Variants in RNF144A observed in about 807,000 individuals in gnomAD.
The protein encoded by RNF144A is ring finger protein 144A, also known as E3 ubiquitin-protein ligase RNF144A.
Under a neutral mutation model 38.7 loss-of-function variants are expected in RNF144A, and 11 were observed. The observed-to-expected ratio is 0.28, with a 90% confidence interval of 0.18 to 0.47. RNF144A has a LOEUF of 0.47. Ranked by LOEUF, RNF144A falls within the 20% of genes least tolerant of loss-of-function variation. The pLI is 0.99. For synonymous variants in RNF144A, 149 were observed against 143.9 expected (o/e 1.04, Z -0.25); for missense variants, 316 against 377.2 (o/e 0.84, Z 1.34).
intron 1 of RNF144A, among the ~76,000 whole-genome samples, chr2:6,934,249 T>C (rs1311926802): frequency 6.6e-6 from 1 of 152,212 alleles, no homozygotes; most frequent in African/African-American, 2.4e-5. Context: ...TTCATGTCTT[T>C]AATTAGGAAT....
chr2:6,996,306 A>G (rs543425326), intron 2 of RNF144A, among the ~76,000 whole-genome samples: 1 of 152,322 alleles, frequency 6.6e-6, no homozygotes, highest in East Asian at 1.9e-4. Flanking sequence ...TTCTCTTCCA[A>G]GATGGCTAAG....
chr2:7,002,675 C>T lies in RNF144A; in HGVS notation c.135+5614C>T, dbSNP rs115846521. On this transcript the variant is annotated intron_variant, in intron 3 of 8. Transcript: ENST00000320892. Reference sequence around the variant, plus strand: ...ATAGACCATATATATAATGGTGATCCCATAAGATTACAGGAGCTGAAAAAT... The same window carrying T: ...ATAGACCATATATATAATGGTGATCTCATAAGATTACAGGAGCTGAAAAAT... 5.4e-3 allele frequency among the ~76,000 whole-genome samples: 821 copies of T among 152,180 alleles called. 5 individuals carry two copies. The highest frequency in any genetic ancestry group is 0.019 in the African/African-American group (782 of 41,496).
chr2:7,058,693 C>G (rs955814168), intron 6 of RNF144A, among the ~76,000 whole-genome samples: 2 of 152,102 alleles, frequency 1.3e-5, no homozygotes, highest in Non-Finnish European at 2.9e-5. Flanking sequence ...TCTATTATGT[C>G]AGAGATTTTT....
intron 6 of RNF144A, among the ~76,000 whole-genome samples, chr2:7,067,321 A>G (rs752199652): frequency 5.3e-4 from 80 of 152,184 alleles, no homozygotes; most frequent in Admixed American, 1.2e-3. Context: ...CTGGAGCCCC[A>G]AAAGCTGAAG....
At position 6,958,326 on chromosome 2, in the gene RNF144A, C is replaced by T. The variant is rs1667133241; in HGVS notation, c.-12+17179C>T. Among the ~76,000 whole-genome samples the T allele has an allele frequency of 6.6e-6, 1 of 152,242 alleles. No individual in the cohort carries two copies. The highest frequency in any genetic ancestry group is 2.1e-4 in the South Asian group (1 of 4,826). On this transcript the variant is annotated intron_variant, in intron 2 of 8. Coordinates refer to ENST00000320892, the MANE Select transcript of RNF144A (RefSeq NM_014746.6). This position sits in a 1 kb window ranked among gnomAD's most constrained non-coding sequence, Gnocchi z 4.5. ...CCTGCCGTGCCAGAGACAGAACAGA[C>T]ACACGGACAAGGGCAAGCCTTCCTT... is the stretch of plus-strand genomic sequence containing the variant.
At chr2:7,024,703 G>A (rs1269705424) in intron 7 of RNF144A, among the ~76,000 whole-genome samples, 187 bp downstream of exon 7, 2 of 152,210 alleles carry the variant, frequency 1.3e-5, no homozygotes, top group African/African-American at 4.8e-5. Flanking sequence ...GGGGACAGAA[G>A]CCTTTGTGAC....
At position 7,010,626 on chromosome 2, in the gene RNF144A, C is replaced by T. The variant is rs148033459; in HGVS notation, c.136-3828C>T. Among the ~76,000 whole-genome samples the T allele has an allele frequency of 5.4e-3, 817 of 152,266 alleles. 5 individuals carry two copies. Among genetic ancestry groups the T allele is most frequent in the African/African-American group, 0.019 (776 of 41,532 alleles). On this transcript the variant is annotated intron_variant, in intron 3 of 8. Transcript: ENST00000320892. ...TATTAGCAAATCAGCAGTGCTGTCT[C>T]GTCATCAGGTTTCAAAGAGTTGGAA...
downstream of RNF144A, among the ~76,000 whole-genome samples, chr2:7,046,748 A>G (rs947387507): frequency 6.6e-6 from 1 of 152,242 alleles, no homozygotes; most frequent in African/African-American, 2.4e-5. Flanking sequence ...TTGTGCGTAC[A>G]GCCTGTGGTT....
intron 7 of RNF144A, among the ~76,000 whole-genome samples, chr2:7,028,039 G>A (rs984106664): frequency 9.9e-5 from 15 of 152,032 alleles, no homozygotes; most frequent in Non-Finnish European, 2.2e-4. Context: ...TCTCCCTGAC[G>A]AGCCCCATAA....
chr2:7,008,479 A>G (rs1298761402), intron 3 of RNF144A, among the ~76,000 whole-genome samples: 1 of 152,142 alleles, frequency 6.6e-6, no homozygotes, highest in African/African-American at 2.4e-5. Flanking sequence ...GGGTTCTTAT[A>G]AAGCAGCCGT....
At chr2:6,980,778 G>T (rs1164207436) in intron 2 of RNF144A, among the ~76,000 whole-genome samples, 3 of 152,212 alleles carry the variant, frequency 2.0e-5, no homozygotes, top group Non-Finnish European at 4.4e-5. Context: ...CAGTGTGGGG[G>T]CTCTAATCCC....
In RNF144A at chr2:7,024,482, A is replaced by G; in HGVS notation, c.623A>G (p.His208Arg). The change falls in exon 7 of 9, where the codon CAC (histidine) becomes CGC (arginine). Residue 208 changes from histidine to arginine, a missense_variant. Physicochemically the swap from His to Arg is conservative, Grantham distance 29 (BLOSUM62 0). Coordinates refer to ENST00000320892, the MANE Select transcript of RNF144A (RefSeq NM_014746.6). ...CAQMMCKNCK[H>R]AFCWYCLESL... is the part of the protein sequence containing the mutation. ...CAGATGATGTGCAAGAACTGCAAGC[A>G]CGCCTTCTGCTGGTACTGCCTGGAG... 8 of 1,611,870 alleles carry G rather than the reference A, an allele frequency of 5.0e-6. No individual in the cohort carries two copies. Among genetic ancestry groups the G allele is most frequent in the Non-Finnish European group, 5.9e-6 (7 of 1,178,038 alleles).
intron 6 of RNF144A, among the ~76,000 whole-genome samples, chr2:7,058,013 A>T (rs1292369915): frequency 6.6e-6 from 1 of 152,232 alleles, no homozygotes; most frequent in African/African-American, 2.4e-5. Flanking sequence ...CACTTCTGAC[A>T]TGTGCCAGGT....
chr2:7,021,815 T>C (rs1433057764), intron 6 of RNF144A, among the ~76,000 whole-genome samples: 3 of 152,258 alleles, frequency 2.0e-5, no homozygotes, highest in East Asian at 1.9e-4. Context: ...CTTGTACTTA[T>C]ACTTCACGTG....
chr2:7,039,144 A>T (rs1381959021), intron 8 of RNF144A, among the ~76,000 whole-genome samples: 1 of 150,174 alleles, frequency 6.7e-6, no homozygotes, highest in Non-Finnish European at 1.5e-5. Context: ...AGGTGGATGG[A>T]TGGATAGAGA....
chr2:6,949,530 G>C (rs1235086861), intron 2 of RNF144A, among the ~76,000 whole-genome samples: 1 of 152,050 alleles, frequency 6.6e-6, no homozygotes, highest in Non-Finnish European at 1.5e-5. Context: ...GTATTAAAAG[G>C]ATCATGTAAT....
intron 2 of RNF144A, among the ~76,000 whole-genome samples, chr2:6,973,472 G>A (rs1280029361): frequency 3.3e-5 from 5 of 152,174 alleles, no homozygotes; most frequent in Non-Finnish European, 7.3e-5. Context: ...AAGGTGGCCC[G>A]GGTAGCAGGT....
chr2:7,030,047 A>T, intron 7 of RNF144A, 79 bp from the exon 8 acceptor site: 1 of 969,600 alleles, frequency 1.0e-6, no homozygotes, highest in Non-Finnish European at 1.7e-6. Context: ...TAGGAGAAGA[A>T]ATGCATCAAT....
chr2:6,955,327 C>A (rs1010117406), intron 2 of RNF144A, among the ~76,000 whole-genome samples: 1 of 152,126 alleles, frequency 6.6e-6, no homozygotes, highest in African/African-American at 2.4e-5. Context: ...ATAAGTTTAG[C>A]GCCCCTGTGA....
Sources: allele counts gnomAD v4.1 joint callset (sites outside exome capture counted in the v4.1 genomes callset), GRCh38; gene constraint gnomAD v4.1.1; non-coding constraint Gnocchi (gnomAD v3.1); transcripts MANE v1.5; gene names NCBI Gene and HGNC (gene_info 2026-07-23, HGNC 2026-07-21).